The following DOC2B variants were observed in gnomAD, a reference collection of about 807,000 sequenced individuals.
The protein encoded by DOC2B is double C2 domain beta.
DOC2B carries 21 observed loss-of-function variants against 28.9 expected under a neutral mutation model. The ratio of observed to expected loss-of-function variants is 0.73; its 90% CI spans 0.52 to 1.05. DOC2B has a LOEUF of 1.05. Among genes scored for constraint, DOC2B ranks in the 50% least tolerant of loss-of-function variants. The probability of loss-of-function intolerance (pLI) is 0.00; values close to 1 mark genes in which losing one functional copy is unlikely to be tolerated. For missense variants in DOC2B, 384 were observed against 421.1 expected (o/e 0.91, Z 0.77); for synonymous variants, 194 against 178.1 (o/e 1.09, Z -0.71).
rs1032847076 is a variant in DOC2B at position 172,166 on chromosome 17, G to A, written c.453+371C>T. Among the ~76,000 whole-genome samples the A allele has an allele frequency of 9.9e-5, 15 of 152,146 alleles. No individual in the cohort carries two copies. In the East Asian group the frequency reaches 1.2e-3, roughly 12 times the overall value. The stretch of plus-strand genomic sequence containing the variant: ...AAGTGGCGTCCCCACTCCTCAGGGC[G>A]TCTGGGAGGCCTGGAGGCACCAGTA... On this transcript the variant is annotated intron_variant, in intron 2 of 8. Coordinates refer to ENST00000613549, the MANE Select transcript of DOC2B (RefSeq NM_003585.5).
chr17:150,392 C>G (rs528728697), intron 6 of DOC2B, among the ~76,000 whole-genome samples: 1 of 152,002 alleles, frequency 6.6e-6, no homozygotes, highest in South Asian at 2.1e-4. Context: ...CCCAAAGACA[C>G]GCCCATGTCC....
chr17:154,791 G>A (rs866273538), intron 6 of DOC2B, among the ~76,000 whole-genome samples: 8 of 152,146 alleles, frequency 5.3e-5, no homozygotes, highest in Middle Eastern at 3.2e-3. Flanking sequence ...GTGCAGTGGT[G>A]TGATCTCGGC....
In DOC2B at chr17:146,043, G is replaced by C. The variant is rs1429677394; in HGVS notation, c.*1398C>G. 1 of 152,304 alleles carries C rather than the reference G, an allele frequency of 6.6e-6. No homozygotes were observed. Among genetic ancestry groups the C allele is most frequent in the African/African-American group, 2.4e-5 (1 of 41,474 alleles). The allele number at this position is 152,304 out of a possible 1,614,324, so 9.4% of individuals were successfully genotyped here. A position where few individuals can be genotyped will look rare whatever the true frequency, so the allele number is the denominator to read the frequency against. Reference sequence around the variant, plus strand: ...TGTGGGCTTCAGGCATGGGCCCCAAGATTCAGATACTCTCAAGCCTCCTGG... The same window carrying C: ...TGTGGGCTTCAGGCATGGGCCCCAACATTCAGATACTCTCAAGCCTCCTGG... On this transcript the variant is annotated 3_prime_UTR_variant, in exon 9 of 9. Transcript: ENST00000613549.
At chr17:156,976 C>T (rs893492325) in intron 5 of DOC2B, among the ~76,000 whole-genome samples, 37 of 152,352 alleles carry the variant, frequency 2.4e-4, no homozygotes, top group African/African-American at 8.7e-4. Context: ...CTTCCATTAA[C>T]ACCGTGTTGT....
chr17:165,749 T>A (rs1344611921), intron 2 of DOC2B, among the ~76,000 whole-genome samples: 1 of 152,150 alleles, frequency 6.6e-6, no homozygotes, highest in Non-Finnish European at 1.5e-5. Context: ...AGGCTGCTCT[T>A]CCAAACCCAA....
At chr17:173,275 T>C (rs1434622913) in intron 1 of DOC2B, among the ~76,000 whole-genome samples, 1 of 152,080 alleles carries the variant, frequency 6.6e-6, no homozygotes, top group Middle Eastern at 3.2e-3. Flanking sequence ...GCTGCCTCCC[T>C]CCCCGGGGGC....
intron 4 of DOC2B, 22 bp from the exon 5 acceptor site, chr17:161,563 G>A (rs181448379): frequency 6.4e-7 from 1 of 1,551,418 alleles, no homozygotes; most frequent in Admixed American, 2.0e-5. Flanking sequence ...GGTGGTGAGG[G>A]GCACAGCCAG....
At chr17:171,983 A>G (rs2040317053) in intron 2 of DOC2B, among the ~76,000 whole-genome samples, 1 of 149,900 alleles carries the variant, frequency 6.7e-6, no homozygotes, top group Non-Finnish European at 1.5e-5. Context: ...CAGGCTGCAG[A>G]GGGGAGCACC....
rs2040046488 is a variant in DOC2B at position 149,175 on chromosome 17, A to G, written c.941T>C (p.Val314Ala). The G allele has an allele frequency of 5.0e-6, 2 of 399,844 alleles. No homozygotes were observed. Among genetic ancestry groups the G allele is most frequent in the African/African-American group, 2.1e-5 (1 of 48,530 alleles). 24.8% of individuals were successfully genotyped at this position (399,844 alleles called of 1,614,324 possible). Residue 314 changes from valine to alanine, a missense_variant, in exon 7 of 9, where the codon GTG (valine) becomes GCG (alanine). Coordinates refer to ENST00000613549, the MANE Select transcript of DOC2B (RefSeq NM_003585.5). ...PYVKTYLRPD[V>A]DKKSKHKTAV... ...TGTCTTATGTTTGGATTTCTTGTCC[A>G]CATCTGGCCTCAGGTATCTGGAATT...
chr17:165,265 T>A (rs111634023), intron 2 of DOC2B, among the ~76,000 whole-genome samples: 1 of 151,956 alleles, frequency 6.6e-6, no homozygotes, highest in Non-Finnish European at 1.5e-5. Context: ...TCCCAGCGCT[T>A]GAGCCCAGGA....
rs1323110980 is a variant in DOC2B, at chr17:142,815, T to A, written c.*4626A>T. ...CGATGTTAGAAAGCAAAGGCTTTTA[T>A]CTCGAGAAATTTCTGACCTAAAGAA... is the stretch of plus-strand genomic sequence containing the variant. On this transcript the variant is annotated 3_prime_UTR_variant, in exon 9 of 9. Transcript: ENST00000613549. The A allele has an allele frequency of 1.3e-5, 2 of 152,308 alleles. No individual in the cohort carries two copies. Among genetic ancestry groups the A allele is most frequent in the African/African-American group, 4.8e-5 (2 of 41,582 alleles). The allele number at this position is 152,308 out of a possible 1,614,324, so 9.4% of individuals were successfully genotyped here. A position where few individuals can be genotyped will look rare whatever the true frequency, so the allele number is the denominator to read the frequency against.
At chr17:169,399 C>T (rs1037478680) in intron 2 of DOC2B, among the ~76,000 whole-genome samples, 2 of 151,450 alleles carry the variant, frequency 1.3e-5, no homozygotes, top group East Asian at 3.9e-4. Context: ...TTTAGTTTTG[C>T]AAGCTGAAGA....
intron 2 of DOC2B, among the ~76,000 whole-genome samples, chr17:166,448 C>G (rs915061220): frequency 2.6e-4 from 39 of 152,232 alleles, no homozygotes; most frequent in African/African-American, 9.2e-4. Flanking sequence ...ATAAACTGAT[C>G]CCATGGTTTA....
intron 5 of DOC2B, among the ~76,000 whole-genome samples, chr17:161,202 G>C (rs1555523181): frequency 6.6e-6 from 1 of 152,016 alleles, no homozygotes; most frequent in African/African-American, 2.4e-5. Context: ...CATCCCCCAT[G>C]ATCCCTCAGC....
At chr17:164,486 TC>T (rs1454837000) in intron 2 of DOC2B, among the ~76,000 whole-genome samples, 1 of 152,020 alleles carries the variant, frequency 6.6e-6, no homozygotes, top group Non-Finnish European at 1.5e-5. Flanking sequence ...GGCTCCCCCT[TC>T]TCTGAGCCTC....
intron 3 of DOC2B, among the ~76,000 whole-genome samples, chr17:162,450 G>A (rs538072434): frequency 6.6e-5 from 10 of 152,338 alleles, no homozygotes; most frequent in East Asian, 5.8e-4. Context: ...AGTCAGGGAC[G>A]TCACCAAGGA....
At chr17:173,101 C>T (rs2040330666) in intron 1 of DOC2B, among the ~76,000 whole-genome samples, 1 of 152,238 alleles carries the variant, frequency 6.6e-6, no homozygotes, top group Admixed American at 6.5e-5. Flanking sequence ...AGGACTGCAG[C>T]TCCTCTGTCT....
Position 181,133 on chromosome 17 carries a change from G to A in DOC2B, c.347C>T (p.Ala116Val). 1.4e-5 allele frequency: 18 copies of A among 1,253,938 alleles called. No individual in the cohort carries two copies. The highest frequency in any genetic ancestry group is 1.8e-5 in the Non-Finnish European group (18 of 1,000,014). 77.7% of individuals were successfully genotyped at this position (1,253,938 alleles called of 1,614,324 possible). A position where few individuals can be genotyped will look rare whatever the true frequency, so the allele number is the denominator to read the frequency against. ...PAKPPEDEPD[A>V]DGYESDDCTA... Reference sequence around the variant, plus strand: ...GCAGTCGTCCGACTCGTAGCCGTCGGCGTCCGGCTCGTCCTCCGGCGGCTT... The same window carrying A: ...GCAGTCGTCCGACTCGTAGCCGTCGACGTCCGGCTCGTCCTCCGGCGGCTT... Residue 116 changes from alanine (A) to valine (V), a missense_variant, in exon 1 of 9, where the codon GCC becomes GTC. Coordinates refer to ENST00000613549, the MANE Select transcript of DOC2B (RefSeq NM_003585.5). The surrounding 1 kb of genome is among the most constrained non-coding windows in gnomAD (Gnocchi z 7.0).
At chr17:164,262 GCCTGCAGATGC>G (rs1190677372) in intron 2 of DOC2B, 58 bp from the exon 3 acceptor site, 4 of 1,311,684 alleles carry the variant, frequency 3.0e-6, no homozygotes, top group Non-Finnish European at 4.3e-6. Flanking sequence ...AACTGACAGG[GCCTGCAGATGC>G]CCTTGTCCCC....
Sources: gnomAD v4.1 joint callset for allele counts (sites outside exome capture counted in the v4.1 genomes callset) on GRCh38, gnomAD v4.1.1 for gene constraint, Gnocchi (gnomAD v3.1) non-coding constraint, MANE v1.5 for transcripts, NCBI Gene and HGNC (gene_info 2026-07-23, HGNC 2026-07-21) for gene names.